SRSF1: variants seen among roughly 807,000 people sequenced by gnomAD.
The protein encoded by SRSF1 is serine/arginine-rich splicing factor 1.
SRSF1 carries 1 observed loss-of-function variant against 25.9 expected under a neutral mutation model. The observed-to-expected ratio is 0.04, with a 90% confidence interval of 0.01 to 0.18. The LOEUF is 0.18. Ranked by LOEUF, SRSF1 falls within the 10% of genes least tolerant of loss-of-function variation. The pLI, the probability that SRSF1 is intolerant of heterozygous loss-of-function variation, is 1.00. For synonymous variants in SRSF1, 132 were observed against 126.2 expected (o/e 1.05, Z -0.31); for missense variants, 65 against 350.5 (o/e 0.19, Z 6.50).
rs2075399761 is a variant in SRSF1, at chr17:58,002,615, G to A, written c.*2791C>T. Among the ~76,000 whole-genome samples, 1 of 152,162 alleles carries A rather than the reference G, an allele frequency of 6.6e-6. No individual in the cohort carries two copies. The highest frequency in any genetic ancestry group is 6.5e-5 in the Admixed American group (1 of 15,274). On this transcript the variant is annotated 3_prime_UTR_variant, in exon 4 of 4. Transcript: ENST00000258962. ...CTTATGGTTGGAGAAGGGCTTATAA[G>A]GCAAAATTCTAAATGCCCAGCTTTT... is the stretch of plus-strand genomic sequence containing the variant.
At chr17:57,989,732 G>A in the SRSF1 span, 2 of 398,662 alleles carry the variant, frequency 5.0e-6, no homozygotes, top group East Asian at 7.1e-5. Context: ...CCTTGGGGAT[G>A]AATGAGAAGT....
Position 58,005,764 on chromosome 17 carries a change from A to G in SRSF1, c.552+37T>C. ...TTCCACTGTTAAGACCACTGTATCC[A>G]ATTCTGGTCAAAGAAAAGAATACGT... is the stretch of plus-strand genomic sequence containing the variant. On this transcript the variant is annotated intron_variant, in intron 3 of 3. Coordinates refer to ENST00000258962, the MANE Select transcript of SRSF1 (RefSeq NM_006924.5). The surrounding 1 kb of genome is among the most constrained non-coding windows in gnomAD (Gnocchi z 5.2). 6.2e-7 allele frequency: 1 copy of G among 1,614,194 alleles called. No homozygotes were observed. Among genetic ancestry groups the G allele is most frequent in the Non-Finnish European group, 8.5e-7 (1 of 1,180,034 alleles).
the SRSF1 span, chr17:57,992,184 A>G: frequency 6.6e-6 from 1 of 152,252 alleles, no homozygotes; most frequent in African/African-American, 2.4e-5. Flanking sequence ...CTCTTTAATG[A>G]CAGGGAGAAT....
chr17:58,006,878 G>T, intron 1 of SRSF1, 66 bp downstream of exon 1: 1 of 1,566,808 alleles, frequency 6.4e-7, no homozygotes, highest in South Asian at 1.2e-5. Context: ...CTATGTTAAG[G>T]CCTTGGAGCC....
In SRSF1 at chr17:58,007,205, C is replaced by G; in HGVS notation, c.-68G>C. ...CAAGCCTAGCGCACGGCAGAGCGAG[C>G]CCGCAGCGGCACCACGTCTCCCGCG... On this transcript the variant is annotated 5_prime_UTR_variant, in exon 1 of 4. Coordinates refer to ENST00000258962, the MANE Select transcript of SRSF1 (RefSeq NM_006924.5). The G allele has an allele frequency of 2.5e-6, 4 of 1,572,290 alleles. No individual in the cohort carries two copies. In the Admixed American group the frequency reaches 5.2e-5, roughly 20 times the overall value.
chr17:58,006,857 T>C (rs2075433308), intron 1 of SRSF1, 87 bp downstream of exon 1: 2 of 1,485,278 alleles, frequency 1.3e-6, no homozygotes, highest in Non-Finnish European at 9.2e-7. Context: ...GAGCCCCCGC[T>C]TCCCCGTTCT....
chr17:58,006,036 G>C, intron 2 of SRSF1, 63 bp from the exon 3 acceptor site: 1 of 1,491,702 alleles, frequency 6.7e-7, no homozygotes, highest in Non-Finnish European at 9.1e-7. Context: ...AAGCTGGTAA[G>C]GTACATTAGG....
At chr17:58,000,879 A>T (rs934421544), downstream of SRSF1, among the ~76,000 whole-genome samples, 3 of 152,216 alleles carry the variant, frequency 2.0e-5, no homozygotes, top group Non-Finnish European at 2.9e-5. Flanking sequence ...GTTCAACAGG[A>T]AACAGTTTAG....
In SRSF1 at chr17:58,005,265, G is replaced by T; in HGVS notation, c.*141C>A. On this transcript the variant is annotated 3_prime_UTR_variant, in exon 4 of 4. Coordinates refer to ENST00000258962, the MANE Select transcript of SRSF1 (RefSeq NM_006924.5). The surrounding 1 kb of genome is among the most constrained non-coding windows in gnomAD (Gnocchi z 5.2). ...CACGAAGGGAATGTAGATGTTAGGA[G>T]CAAGGGGATATTACAAGAATGCAAT... 1.2e-6 allele frequency: 1 copy of T among 812,516 alleles called. No homozygotes were observed. Among genetic ancestry groups the T allele is most frequent in the Non-Finnish European group, 1.9e-6 (1 of 513,426 alleles). 50.3% of individuals were successfully genotyped at this position (812,516 alleles called of 1,614,324 possible).
chr17:57,992,936 T>C, the SRSF1 span: 1 of 152,236 alleles, frequency 6.6e-6, no homozygotes, highest in Non-Finnish European at 1.5e-5. Flanking sequence ...CCTAAGACAC[T>C]GACATGACCT....
downstream of SRSF1, among the ~76,000 whole-genome samples, chr17:57,996,755 T>C (rs910911783): frequency 2.0e-5 from 3 of 152,124 alleles, no homozygotes; most frequent in Non-Finnish European, 4.4e-5. Context: ...TGTTAAAATG[T>C]ATGGATGCTG....
chr17:57,994,006 C>CT, the SRSF1 span: 1 of 152,216 alleles, frequency 6.6e-6, no homozygotes, highest in African/African-American at 2.4e-5. Flanking sequence ...AAAACACTTC[C>CT]TGAGCACCTG....
At position 58,006,368 on chromosome 17, in the gene SRSF1, C is replaced by T; in HGVS notation, c.354G>A (p.Arg118=). 6.2e-7 allele frequency: 1 copy of T among 1,612,720 alleles called. No homozygotes were observed. The highest frequency in any genetic ancestry group is 8.5e-7 in the Non-Finnish European group (1 of 1,179,814). ...CAGAGACAACCACTCTGTTTTCAGA[C>T]CGCCTGGATGGGGGGCCATAGCGAC... ...PRGRYGPPSR[R]SENRVVVSGL... The change falls in exon 2 of 4, where the codon CGG becomes CGA. Residue 118 remains arginine, a synonymous_variant. Transcript: ENST00000258962.
chr17:57,999,360 T>C (rs991173243), downstream of SRSF1, among the ~76,000 whole-genome samples: 4 of 152,194 alleles, frequency 2.6e-5, no homozygotes, highest in Non-Finnish European at 5.9e-5. Flanking sequence ...CATGGCCTTA[T>C]TATTCCATAC....
rs1468129726 is a variant in SRSF1 at position 58,004,858 on chromosome 17, C to T, written c.*548G>A. The T allele has an allele frequency of 1.3e-5, 5 of 398,460 alleles. No homozygotes were observed. The highest frequency in any genetic ancestry group is 4.4e-5 in the Admixed American group (1 of 22,704). The allele number at this position is 398,460 out of a possible 1,614,324, so 24.7% of individuals were successfully genotyped here. A position where few individuals can be genotyped will look rare whatever the true frequency, so the allele number is the denominator to read the frequency against. ...AAAATGTATATAATCATTTTTAACC[C>T]CTGCCTTTTAGTATAAGGTCAATAC... On this transcript the variant is annotated 3_prime_UTR_variant, in exon 4 of 4. Coordinates refer to ENST00000258962, the MANE Select transcript of SRSF1 (RefSeq NM_006924.5).
chr17:57,996,437 C>G (rs1422679168), downstream of SRSF1, among the ~76,000 whole-genome samples: 2 of 142,666 alleles, frequency 1.4e-5, no homozygotes, highest in Non-Finnish European at 3.0e-5. Context: ...TGAGCCGAGA[C>G]TGCGCCACTG....
At chr17:57,998,257 A>G (rs1220939409), downstream of SRSF1, among the ~76,000 whole-genome samples, 1 of 152,176 alleles carries the variant, frequency 6.6e-6, no homozygotes, top group Admixed American at 6.5e-5. Flanking sequence ...GTGTTATTTT[A>G]TAGTTCAAAT....
the SRSF1 span, chr17:57,993,854 TCAA>T: frequency 6.6e-6 from 1 of 152,256 alleles, no homozygotes; most frequent in Non-Finnish European, 1.5e-5. Context: ...CCTTACCTCC[TCAA>T]CTTCACCTCC....
downstream of SRSF1, among the ~76,000 whole-genome samples, chr17:57,998,788 AGTCCACTTT>A (rs2075374236): frequency 6.6e-6 from 1 of 152,218 alleles, no homozygotes; most frequent in Non-Finnish European, 1.5e-5. Flanking sequence ...CCCCACAAGA[AGTCCACTTT>A]GTCCACTTTT....
Sources: allele counts gnomAD v4.1 joint callset (sites outside exome capture counted in the v4.1 genomes callset), GRCh38; gene constraint gnomAD v4.1.1; non-coding constraint Gnocchi (gnomAD v3.1); transcripts MANE v1.5; gene names NCBI Gene and HGNC (gene_info 2026-07-23, HGNC 2026-07-21).